ACBD6: variants seen among roughly 807,000 people sequenced by gnomAD.
ACBD6 encodes acyl-CoA-binding domain-containing protein 6.
Under a neutral mutation model 37.2 loss-of-function variants are expected in ACBD6, and 28 were observed. The ratio of observed to expected loss-of-function variants is 0.75; its 90% confidence interval spans 0.56 to 1.03. The LOEUF (loss-of-function observed/expected upper bound fraction) is 1.03. Ranked by LOEUF, ACBD6 falls within the 50% of genes least tolerant of loss-of-function variation. ACBD6 has a pLI of 0.00. For missense variants in ACBD6, 340 were observed against 337.4 expected (o/e 1.01, Z -0.06); for synonymous variants, 113 against 126.8 (o/e 0.89, Z 0.73).
intron 6 of ACBD6, among the ~76,000 whole-genome samples, chr1:180,372,688 T>C (rs1245995480): frequency 1.3e-5 from 2 of 152,160 alleles, no homozygotes; most frequent in African/African-American, 4.8e-5. Context: ...GTTCATTTGA[T>C]AACAAGTAGA....
At chr1:180,347,457 C>T (rs1035682730) in intron 6 of ACBD6, among the ~76,000 whole-genome samples, 17 of 151,340 alleles carry the variant, frequency 1.1e-4, no homozygotes, top group African/African-American at 4.1e-4. Flanking sequence ...CTCCCCCTCC[C>T]GGGGGTTGAA....
chr1:180,286,873 T>C (rs1649519194), downstream of ACBD6: 1 of 152,350 alleles, frequency 6.6e-6, no homozygotes, highest in Admixed American at 6.5e-5. Flanking sequence ...TTCATGCTAA[T>C]GAAAATCTTC....
At chr1:180,329,667 A>AT (rs889741950) in intron 6 of ACBD6, among the ~76,000 whole-genome samples, 94 of 152,024 alleles carry the variant, frequency 6.2e-4, no homozygotes, top group African/African-American at 1.8e-3. Flanking sequence ...GTGATTTTCA[A>AT]TTTTTTTTAA....
At chr1:180,313,662 C>A (rs1650680405) in intron 7 of ACBD6, among the ~76,000 whole-genome samples, 1 of 152,146 alleles carries the variant, frequency 6.6e-6, no homozygotes, top group East Asian at 1.9e-4. Flanking sequence ...GGTGTAAATA[C>A]CGATGGCTGT....
intron 3 of ACBD6, among the ~76,000 whole-genome samples, chr1:180,465,020 C>T (rs955877889): frequency 6.6e-6 from 1 of 152,130 alleles, no homozygotes; most frequent in African/African-American, 2.4e-5. Flanking sequence ...ACATCGTACA[C>T]AAAAATCAAT....
At chr1:180,342,061 G>A (rs1250340035) in intron 6 of ACBD6, among the ~76,000 whole-genome samples, 1 of 152,034 alleles carries the variant, frequency 6.6e-6, no homozygotes, top group Non-Finnish European at 1.5e-5. Context: ...AGATGCTGTG[G>A]GCTGAAGTGT....
At chr1:180,493,140 C>G (rs12751394) in intron 2 of ACBD6, among the ~76,000 whole-genome samples, 1 of 149,518 alleles carries the variant, frequency 6.7e-6, no homozygotes, top group Admixed American at 6.7e-5. Flanking sequence ...TCCAGCTACT[C>G]TGGAGGCCGA....
intron 6 of ACBD6, among the ~76,000 whole-genome samples, chr1:180,358,101 C>A (rs1046175005): frequency 1.3e-5 from 2 of 152,166 alleles, no homozygotes; most frequent in Non-Finnish European, 1.5e-5. Flanking sequence ...TTCTACATGT[C>A]TGCAACTTTA....
chr1:180,317,504 C>A (rs1650858865), intron 6 of ACBD6, among the ~76,000 whole-genome samples: 1 of 151,936 alleles, frequency 6.6e-6, no homozygotes, highest in Non-Finnish European at 1.5e-5. Context: ...ATGGTAAATT[C>A]CAAATATATT....
chr1:180,427,519 A>G (rs1463207695), intron 4 of ACBD6, among the ~76,000 whole-genome samples: 1 of 152,266 alleles, frequency 6.6e-6, no homozygotes, highest in East Asian at 1.9e-4. Context: ...ATTTGATTAC[A>G]TAACTTCAAG....
Position 180,288,391 on chromosome 1 carries a change from A to C in ACBD6, c.821T>G (p.Leu274Arg). Residue 274 changes from leucine (L) to arginine (R), a missense_variant, in exon 8 of 8, where the codon CTG becomes CGG. Transcript: ENST00000367595. Reference protein sequence around the residue: ...VTGCKTVSLVLQRHTTGKA With the variant: ...VTGCKTVSLVRQRHTTGKA ...AGCCTTGCCAGTTGTGTGCCGCTGC[A>C]GCACCAAAGAAACTGTTTTGCAGCC... 1 of 1,613,838 alleles carries C rather than the reference A, an allele frequency of 6.2e-7. No homozygotes were observed. The highest frequency in any genetic ancestry group is 8.5e-7 in the Non-Finnish European group (1 of 1,180,022).
intron 6 of ACBD6, among the ~76,000 whole-genome samples, chr1:180,364,562 A>G (rs2101907328): frequency 6.6e-6 from 1 of 152,326 alleles, no homozygotes; most frequent in African/African-American, 2.4e-5. Flanking sequence ...TAGATTTAAC[A>G]GGTAGGAGAA....
At chr1:180,412,828 T>G (rs1647914638) in intron 5 of ACBD6, among the ~76,000 whole-genome samples, 1 of 152,162 alleles carries the variant, frequency 6.6e-6, no homozygotes, top group Non-Finnish European at 1.5e-5. Flanking sequence ...AGCGCACCCA[T>G]GCACTCCAGC....
chr1:180,286,069 T>C (rs762553021), downstream of ACBD6, among the ~76,000 whole-genome samples: 7 of 152,090 alleles, frequency 4.6e-5, no homozygotes, highest in Non-Finnish European at 8.8e-5. Context: ...TACAAAATAC[T>C]GAAAAAAGGG....
chr1:180,449,155 AAGAG>A (rs1245160117), intron 3 of ACBD6, among the ~76,000 whole-genome samples: 2 of 152,192 alleles, frequency 1.3e-5, no homozygotes, highest in African/African-American at 2.4e-5. Context: ...GATTTCATGA[AAGAG>A]AGATTTAGAG....
chr1:180,418,977 C>A (rs182940402), intron 4 of ACBD6, among the ~76,000 whole-genome samples: 41 of 152,124 alleles, frequency 2.7e-4, no homozygotes, highest in Non-Finnish European at 2.1e-4. Context: ...TGAGGCCGGG[C>A]GCGGTGGCTC....
chr1:180,274,774 G>C, exon 10 of ACBD6: 1 of 636,530 alleles, frequency 1.6e-6, no homozygotes, highest in Non-Finnish European at 2.6e-6. Flanking sequence ...CAGTGGGAGA[G>C]CAGACTCATC....
intron 3 of ACBD6, among the ~76,000 whole-genome samples, chr1:180,490,931 CTGAG>C (rs966594770): frequency 8.7e-5 from 12 of 137,934 alleles, no homozygotes; most frequent in African/African-American, 3.3e-4. Flanking sequence ...GTGCTCCAGT[CTGAG>C]TGATAGAGTG....
At chr1:180,376,369 A>C (rs1249451238) in intron 6 of ACBD6, among the ~76,000 whole-genome samples, 1 of 152,214 alleles carries the variant, frequency 6.6e-6, no homozygotes, top group African/African-American at 2.4e-5. Flanking sequence ...ATGAAAATAC[A>C]TATGTACAAG....
Sources: gnomAD v4.1 joint callset for allele counts (sites outside exome capture counted in the v4.1 genomes callset) on GRCh38, gnomAD v4.1.1 for gene constraint, MANE v1.5 for transcripts, NCBI Gene and HGNC (gene_info 2026-07-23, HGNC 2026-07-21) for gene names.